NRXN1: variants seen among roughly 807,000 people sequenced by gnomAD.
NRXN1 encodes neurexin 1, also known as neurexin-1.
A neutral mutation model predicts 150.9 loss-of-function variants in NRXN1; 39 were observed. The ratio of observed to expected loss-of-function variants is 0.26; its 90% CI spans 0.20 to 0.34. The LOEUF (loss-of-function observed/expected upper bound fraction) is 0.34, where lower values mean the gene tolerates loss of function less well. Ranked by LOEUF, NRXN1 falls within the 10% of genes least tolerant of loss-of-function variation. The probability of loss-of-function intolerance (pLI) is 1.00; values close to 1 mark genes in which losing one functional copy is unlikely to be tolerated. For missense variants in NRXN1, 1,815 were observed against 1,949.9 expected (o/e 0.93, Z 1.30); for synonymous variants, 924 against 757.0 (o/e 1.22, Z -3.62).
At chr2:50,010,080 A>G (rs953402497) in intron 21 of NRXN1, among the ~76,000 whole-genome samples, 2 of 152,144 alleles carry the variant, frequency 1.3e-5, no homozygotes, top group Non-Finnish European at 2.9e-5. Flanking sequence ...TTCTGTCTTG[A>G]AAAAACAAAC....
chr2:50,071,725 G>T (rs554274987), intron 19 of NRXN1, among the ~76,000 whole-genome samples: 1 of 152,164 alleles, frequency 6.6e-6, no homozygotes, highest in South Asian at 2.1e-4. Flanking sequence ...TAATTTAAAC[G>T]TAGTTTGAAA....
chr2:49,930,038 G>C (rs774003487), intron 22 of NRXN1, among the ~76,000 whole-genome samples: 6 of 152,170 alleles, frequency 3.9e-5, no homozygotes, highest in African/African-American at 9.6e-5. Flanking sequence ...AAAATGAGTA[G>C]AGAGTCGTCA....
intron 8 of NRXN1, among the ~76,000 whole-genome samples, chr2:50,610,596 T>A (rs1266159071): frequency 2.2e-5 from 3 of 137,906 alleles, no homozygotes; most frequent in East Asian, 4.4e-4. Flanking sequence ...CTCATCTATG[T>A]GCCCCAGTGT....
At chr2:50,258,764 G>T (rs991967107) in intron 17 of NRXN1, among the ~76,000 whole-genome samples, 1 of 152,010 alleles carries the variant, frequency 6.6e-6, no homozygotes, top group African/African-American at 2.4e-5. Flanking sequence ...AATAAGGCTT[G>T]AAAGTTGAAA....
intron 19 of NRXN1, among the ~76,000 whole-genome samples, chr2:50,057,667 G>T (rs1212743945): frequency 1.3e-5 from 2 of 152,180 alleles, no homozygotes; most frequent in Non-Finnish European, 2.9e-5. Flanking sequence ...TCTGTAGAAT[G>T]AGGTAGTCAA....
At chr2:50,653,681 T>C (rs1183061168) in intron 5 of NRXN1, among the ~76,000 whole-genome samples, 3 of 152,090 alleles carry the variant, frequency 2.0e-5, no homozygotes, top group Non-Finnish European at 2.9e-5. Flanking sequence ...CTTGATTTAA[T>C]GCATAATATA....
chr2:50,993,873 C>T (rs1193784821), intron 2 of NRXN1, among the ~76,000 whole-genome samples: 1 of 151,936 alleles, frequency 6.6e-6, no homozygotes, highest in Non-Finnish European at 1.5e-5. Flanking sequence ...AAAAGGGGAA[C>T]CCAGAGCACT....
intron 5 of NRXN1, among the ~76,000 whole-genome samples, chr2:50,697,423 A>C (rs1693073728): frequency 1.3e-5 from 2 of 152,218 alleles, no homozygotes; most frequent in African/African-American, 4.8e-5. Flanking sequence ...CATCTTTCAA[A>C]GTGAAACTTG....
intron 17 of NRXN1, among the ~76,000 whole-genome samples, chr2:50,372,555 C>T (rs1014760426): frequency 1.3e-5 from 2 of 151,972 alleles, no homozygotes; most frequent in African/African-American, 4.8e-5. Flanking sequence ...GAGGTTGAGT[C>T]AGAAACAAAG....
intron 5 of NRXN1, among the ~76,000 whole-genome samples, chr2:50,716,846 C>A (rs1162710929): frequency 1.3e-5 from 2 of 152,074 alleles, no homozygotes; most frequent in Non-Finnish European, 2.9e-5. Flanking sequence ...ATTAATTTAA[C>A]AATAATTCCT....
At chr2:50,382,957 C>T (rs1192228694) in intron 17 of NRXN1, among the ~76,000 whole-genome samples, 1 of 152,144 alleles carries the variant, frequency 6.6e-6, no homozygotes, top group Non-Finnish European at 1.5e-5. Context: ...GGTACTTATC[C>T]TCACAGTATC....
chr2:50,114,557 G>A (rs1033338898), intron 18 of NRXN1, among the ~76,000 whole-genome samples: 21 of 152,108 alleles, frequency 1.4e-4, no homozygotes, highest in Non-Finnish European at 2.9e-4. Context: ...ATCTGTACAT[G>A]GATGTTTATA....
chr2:50,197,554 G>A (rs1003042074), intron 18 of NRXN1, among the ~76,000 whole-genome samples: 5 of 152,046 alleles, frequency 3.3e-5, no homozygotes, highest in African/African-American at 1.2e-4. Context: ...TATATTTTGT[G>A]ATGTTTTGCT....
chr2:50,498,301 G>C, intron 13 of NRXN1, among the ~76,000 whole-genome samples: 1 of 152,082 alleles, frequency 6.6e-6, no homozygotes, highest in East Asian at 1.9e-4. Flanking sequence ...TTCCCTCTTC[G>C]TGCTCAATAA....
At chr2:50,129,693 A>G (rs919914313) in intron 18 of NRXN1, among the ~76,000 whole-genome samples, 4 of 152,196 alleles carry the variant, frequency 2.6e-5, no homozygotes, top group Non-Finnish European at 5.9e-5. Context: ...AAAAAAGGCA[A>G]TCTTTATAGA....
At chr2:50,892,850 G>C (rs983325488) in intron 5 of NRXN1, among the ~76,000 whole-genome samples, 8 of 152,098 alleles carry the variant, frequency 5.3e-5, no homozygotes, top group Non-Finnish European at 2.9e-5. Context: ...ACAACTTACT[G>C]TTCATCTTTA....
intron 2 of NRXN1, among the ~76,000 whole-genome samples, chr2:50,935,382 A>C (rs527321645): frequency 2.0e-5 from 3 of 152,186 alleles, no homozygotes; most frequent in Non-Finnish European, 4.4e-5. Flanking sequence ...GAACTACTAC[A>C]TAGAAATAAA....
chr2:49,922,097 G>T lies in NRXN1; in HGVS notation c.4371C>A (p.Asn1457Lys). The change falls in exon 23 of 23, where the codon AAC becomes AAA. Residue 1457 changes from asparagine to lysine, a missense_variant. Coordinates refer to ENST00000401669, the MANE Select transcript of NRXN1 (RefSeq NM_001330078.2). ...ILLYAMYKYRNRDEGSYHVDE... is the reference protein window; with the variant it reads ...ILLYAMYKYRKRDEGSYHVDE... The stretch of plus-strand genomic sequence containing the variant: ...CCACATGGTATGAGCCTTCATCCCG[G>T]TTTCTGTACTTGTACATGGCATAGA... The T allele has an allele frequency of 6.2e-7, 1 of 1,614,106 alleles. No individual in the cohort carries two copies. Among genetic ancestry groups the T allele is most frequent in the Non-Finnish European group, 8.5e-7 (1 of 1,180,030 alleles).
rs558456194 is a variant in NRXN1, at chr2:51,012,463, T to C, written c.772+15039A>G. ...TGCTAATTTTTGCTTCAACTGAGGA[T>C]ATCATTAACAATATCACCAGTAGCA... On this transcript the variant is annotated intron_variant, in intron 2 of 22. Transcript: ENST00000401669. 2.0e-5 allele frequency among the ~76,000 whole-genome samples: 3 copies of C among 152,190 alleles called. No individual in the cohort carries two copies. The East Asian group carries it at 5.8e-4, about 30-fold the overall frequency.
Sources: gnomAD v4.1 joint callset for allele counts (sites outside exome capture counted in the v4.1 genomes callset) on GRCh38, gnomAD v4.1.1 for gene constraint, MANE v1.5 for transcripts, NCBI Gene and HGNC (gene_info 2026-07-23, HGNC 2026-07-21) for gene names.